TPRG1: variants seen among roughly 807,000 people sequenced by gnomAD.
TPRG1 encodes tumor protein p63 regulated 1.
Under a neutral mutation model 29.3 loss-of-function variants are expected in TPRG1, and 29 were observed. That is an observed-to-expected ratio of 0.99 (90% confidence interval 0.74 to 1.35). The LOEUF (loss-of-function observed/expected upper bound fraction) is 1.35, where lower values mean the gene tolerates loss of function less well. TPRG1 is among the 40% of genes most tolerant of loss of function. The pLI is 0.00. For missense variants in TPRG1, 327 were observed against 335.0 expected (o/e 0.98, Z 0.19); for synonymous variants, 130 against 116.8 (o/e 1.11, Z -0.73).
chr3:189,058,398 C>T (rs1715873779), intron 4 of TPRG1, among the ~76,000 whole-genome samples: 1 of 152,144 alleles, frequency 6.6e-6, no homozygotes, highest in Non-Finnish European at 1.5e-5. Flanking sequence ...TGTAGTTTGG[C>T]CTCAATTGAC....
intron 3 of TPRG1, among the ~76,000 whole-genome samples, chr3:189,016,085 T>C (rs1712917887): frequency 6.6e-6 from 1 of 151,998 alleles, no homozygotes; most frequent in Non-Finnish European, 1.5e-5. Flanking sequence ...TAACAGCCTG[T>C]GAAAGCAGCC....
intron 1 of TPRG1, among the ~76,000 whole-genome samples, chr3:189,103,614 T>A (rs1365888969): frequency 6.6e-6 from 1 of 152,162 alleles, no homozygotes; most frequent in African/African-American, 2.4e-5. Context: ...GGTGACAGAC[T>A]ATTAGAAGTA....
At chr3:189,064,132 A>C (rs1336848948) in intron 4 of TPRG1, among the ~76,000 whole-genome samples, 1 of 152,176 alleles carries the variant, frequency 6.6e-6, no homozygotes, top group Admixed American at 6.6e-5. Flanking sequence ...CACAATTTTC[A>C]TTGTGGGTTG....
At chr3:189,249,126 A>T (rs1269927553) in intron 4 of TPRG1, among the ~76,000 whole-genome samples, 5 of 150,780 alleles carry the variant, frequency 3.3e-5, no homozygotes, top group African/African-American at 1.2e-4. Context: ...TAAATGTTTT[A>T]TATATATATA....
intron 1 of TPRG1, among the ~76,000 whole-genome samples, chr3:189,190,020 CAG>C (rs1334517369): frequency 6.6e-6 from 1 of 152,200 alleles, no homozygotes; most frequent in Non-Finnish European, 1.5e-5. Context: ...TCATAGTTAA[CAG>C]GGAATACATT....
intron 1 of TPRG1, among the ~76,000 whole-genome samples, chr3:188,998,488 G>A (rs1711896746): frequency 6.6e-6 from 1 of 152,212 alleles, no homozygotes. Context: ...AGAGTTTTGT[G>A]GGTCATGGTA....
At chr3:189,260,293 T>G (rs1208187149) in intron 4 of TPRG1, among the ~76,000 whole-genome samples, 1 of 152,190 alleles carries the variant, frequency 6.6e-6, no homozygotes, top group African/African-American at 2.4e-5. Context: ...CTTTAATAGT[T>G]TTGGTAGAAA....
In TPRG1 at chr3:189,166,632, C is replaced by T. The variant is rs533562293; in HGVS notation, c.-10+15760C>T. On this transcript the variant is annotated intron_variant, in intron 5 of 6. Coordinates refer to the TPRG1 transcript ENST00000412373. ...ATCCCTGATACTTTCCTTGGTGTCT[C>T]AGCGTTTCAAAAGCCTATCTTATTT... Among the ~76,000 whole-genome samples the T allele has an allele frequency of 2.9e-4, 44 of 152,292 alleles. No individual in the cohort carries two copies. The South Asian group carries it at 3.7e-3, about 13-fold the overall frequency.
chr3:189,248,454 A>C (rs115685956), intron 4 of TPRG1, among the ~76,000 whole-genome samples: 2,594 of 151,276 alleles, frequency 0.017, 79 homozygotes, highest in African/African-American at 0.058. Flanking sequence ...TTTTTTTCTC[A>C]TTCATTATTT....
intron 1 of TPRG1, among the ~76,000 whole-genome samples, chr3:189,204,335 A>G (rs1399923773): frequency 1.3e-5 from 2 of 152,162 alleles, no homozygotes; most frequent in Admixed American, 6.5e-5. Flanking sequence ...AGCACTTACT[A>G]TTGAATTGGG....
intron 4 of TPRG1, among the ~76,000 whole-genome samples, chr3:189,280,805 G>A (rs571859303): frequency 1.5e-4 from 23 of 152,270 alleles, no homozygotes; most frequent in South Asian, 4.1e-4. Flanking sequence ...GCATCATAGC[G>A]TTGTATTAAA....
intron 3 of TPRG1, among the ~76,000 whole-genome samples, chr3:189,019,600 T>C (rs1713171985): frequency 6.6e-6 from 1 of 152,192 alleles, no homozygotes; most frequent in Admixed American, 6.5e-5. Flanking sequence ...TCATGATGGA[T>C]AAGCTTTTTG....
intron 2 of TPRG1, chr3:189,212,143 C>CGA (rs1735366667): frequency 6.6e-6 from 1 of 151,922 alleles, no homozygotes; most frequent in Admixed American, 6.6e-5. Flanking sequence ...AAGTTGAAAG[C>CGA]GATTTGGGAT....
intron 1 of TPRG1, among the ~76,000 whole-genome samples, chr3:189,106,664 AC>A (rs1331510912): frequency 6.6e-6 from 1 of 152,150 alleles, no homozygotes. Context: ...TGAATAAATG[AC>A]TATTACATTT....
chr3:189,247,443 A>G (rs1402896250), intron 4 of TPRG1, among the ~76,000 whole-genome samples: 3 of 151,962 alleles, frequency 2.0e-5, no homozygotes, highest in African/African-American at 7.2e-5. Flanking sequence ...TCTCTTGTTC[A>G]TCTCAGGATT....
At chr3:189,111,212 G>C (rs1399995805) in intron 1 of TPRG1, among the ~76,000 whole-genome samples, 2 of 151,942 alleles carry the variant, frequency 1.3e-5, no homozygotes, top group Admixed American at 6.6e-5. Flanking sequence ...CATGAACATA[G>C]TATATATCTC....
At chr3:189,024,079 A>G (rs1385693322) in intron 4 of TPRG1, 1 of 152,282 alleles carries the variant, frequency 6.6e-6, no homozygotes, top group Non-Finnish European at 1.5e-5. Context: ...TCTCCAAGGC[A>G]CACAGGCTAG....
At chr3:189,184,203 CCT>C (rs953053031) in intron 1 of TPRG1, among the ~76,000 whole-genome samples, 3 of 152,216 alleles carry the variant, frequency 2.0e-5, no homozygotes, top group Admixed American at 6.5e-5. Context: ...GCTCCTTAAC[CCT>C]CTGAGGTTCA....
chr3:189,022,530 C>T (rs1040017793), intron 3 of TPRG1, among the ~76,000 whole-genome samples: 4 of 151,570 alleles, frequency 2.6e-5, no homozygotes, highest in African/African-American at 9.7e-5. Flanking sequence ...GGGTGCCTCC[C>T]AGTTAGGCTG....
Sources: gnomAD v4.1 joint callset for allele counts (sites outside exome capture counted in the v4.1 genomes callset) on GRCh38, gnomAD v4.1.1 for gene constraint, MANE v1.5 for transcripts, NCBI Gene and HGNC (gene_info 2026-07-23, HGNC 2026-07-21) for gene names.